Variants in LARGE1 observed in about 807,000 individuals in gnomAD.
LARGE1 encodes the protein LARGE xylosyl- and glucuronyltransferase 1, also known as xylosyl- and glucuronyltransferase LARGE1.
In LARGE1, 43 loss-of-function variants were observed where a neutral mutation model predicts 87.6. The ratio of observed to expected loss-of-function variants is 0.49; its 90% confidence interval spans 0.38 to 0.63. The LOEUF (loss-of-function observed/expected upper bound fraction) is 0.63, where lower values mean the gene tolerates loss of function less well. Among genes scored for constraint, LARGE1 ranks in the 30% least tolerant of loss-of-function variants. LARGE1 has a pLI of 0.00. For missense variants in LARGE1, 802 were observed against 1,000.2 expected (o/e 0.80, Z 2.67); for synonymous variants, 434 against 394.6 (o/e 1.10, Z -1.18).
chr22:33,772,595 G>A (rs1436120656), intron 1 of LARGE1, among the ~76,000 whole-genome samples: 2 of 152,010 alleles, frequency 1.3e-5, no homozygotes, highest in East Asian at 1.9e-4. Context: ...CTTGAATGCT[G>A]TCAACTCAGA....
chr22:33,635,954 C>T (rs1326698507), intron 3 of LARGE1, among the ~76,000 whole-genome samples: 1 of 152,174 alleles, frequency 6.6e-6, no homozygotes, highest in Non-Finnish European at 1.5e-5. Context: ...CAGCGAGGAA[C>T]AGGTGTGACC....
chr22:33,136,935 A>C, the LARGE1 span, among the ~76,000 whole-genome samples: 8 of 49,754 alleles, frequency 1.6e-4, no homozygotes, highest in African/African-American at 2.2e-4. Flanking sequence ...ATATTAAGGT[A>C]AAAAAAAAAA....
At chr22:33,137,561 T>C in the LARGE1 span, among the ~76,000 whole-genome samples, 2 of 152,234 alleles carry the variant, frequency 1.3e-5, no homozygotes, top group African/African-American at 4.8e-5. Context: ...AGCTGAATGT[T>C]AATCCTCAAG....
intron 2 of LARGE1, among the ~76,000 whole-genome samples, chr22:33,722,277 G>T (rs1278246264): frequency 6.9e-6 from 1 of 144,006 alleles, no homozygotes; most frequent in Non-Finnish European, 1.5e-5. Context: ...GAGGGAGAGG[G>T]AGAGGAGGGA....
At chr22:33,152,840 G>T in the LARGE1 span, among the ~76,000 whole-genome samples, 1 of 151,982 alleles carries the variant, frequency 6.6e-6, no homozygotes, top group Non-Finnish European at 1.5e-5. Flanking sequence ...TATAGTTTGT[G>T]CTCTATTTTG....
At chr22:33,252,048 AC>A (rs1568990236) in intron 11 of LARGE1, among the ~76,000 whole-genome samples, 1 of 152,182 alleles carries the variant, frequency 6.6e-6, no homozygotes, top group Non-Finnish European at 1.5e-5. Flanking sequence ...GTTTGTCCTG[AC>A]CTTTTGTTAG....
intron 11 of LARGE1, among the ~76,000 whole-genome samples, chr22:33,209,052 A>C (rs1183503819): frequency 6.6e-6 from 1 of 152,184 alleles, no homozygotes; most frequent in Non-Finnish European, 1.5e-5. Context: ...GTGTTTTTAT[A>C]ATAGAATGAT....
At chr22:33,546,947 A>T (rs987238159) in intron 6 of LARGE1, among the ~76,000 whole-genome samples, 5 of 152,116 alleles carry the variant, frequency 3.3e-5, no homozygotes, top group African/African-American at 1.2e-4. Context: ...GTGCTTCAAA[A>T]CCTGTGGAAT....
chr22:33,904,408 C>G (rs2065375572), intron 1 of LARGE1, among the ~76,000 whole-genome samples: 1 of 152,230 alleles, frequency 6.6e-6, no homozygotes, highest in African/African-American at 2.4e-5. Context: ...CCCGCCTCGG[C>G]CTCCCAAAGT....
chr22:33,783,224 T>C (rs1047607808), intron 1 of LARGE1, among the ~76,000 whole-genome samples: 6 of 151,876 alleles, frequency 4.0e-5, no homozygotes, highest in Non-Finnish European at 8.8e-5. Context: ...TTGAGCACTA[T>C]GTTTCTTCAG....
At position 33,761,406 on chromosome 22, in the gene LARGE1, AT is replaced by A. The variant is rs764345371; in HGVS notation, c.70del (p.Ile24SerfsTer199). The part of the protein sequence containing the change: ...ASLSLLCIPA[I>X]TWIYLFSGSF... ...CCCAGAAAACAGGTAAATCCAGGTG[AT>A]GGCTGGGATGCAGAGAAGACTCAAC... On this transcript the variant is annotated frameshift_variant, in exon 2 of 15. Coordinates refer to ENST00000397394, the MANE Select transcript of LARGE1 (RefSeq NM_133642.5). LOFTEE classifies it high-confidence loss of function. 6.2e-7 allele frequency: 1 copy of A among 1,614,002 alleles called. No homozygotes were observed. Among genetic ancestry groups the A allele is most frequent in the Non-Finnish European group, 8.5e-7 (1 of 1,179,984 alleles).
At chr22:33,509,944 G>A (rs532521731) in intron 6 of LARGE1, among the ~76,000 whole-genome samples, 43 of 152,216 alleles carry the variant, frequency 2.8e-4, no homozygotes, top group African/African-American at 7.2e-4. Context: ...AAGTCTCGCC[G>A]CTCCCCTGTG....
the LARGE1 span, among the ~76,000 whole-genome samples, chr22:33,122,292 G>A: frequency 4.0e-5 from 6 of 151,572 alleles, no homozygotes; most frequent in East Asian, 3.9e-4. Flanking sequence ...CCTTGGTTAC[G>A]AGTAGCCACT....
At chr22:33,477,839 C>G (rs554080186) in intron 6 of LARGE1, among the ~76,000 whole-genome samples, 1 of 152,308 alleles carries the variant, frequency 6.6e-6, no homozygotes, top group South Asian at 2.1e-4. Flanking sequence ...AGCCCAAGTG[C>G]TTGGATAAAG....
intron 11 of LARGE1, among the ~76,000 whole-genome samples, chr22:33,266,258 G>A (rs912576344): frequency 8.8e-6 from 1 of 113,866 alleles, no homozygotes; most frequent in African/African-American, 3.9e-5. Context: ...TTTCGCTCTT[G>A]TTGCCCAGGC....
At chr22:33,507,364 G>C (rs757264230) in intron 6 of LARGE1, among the ~76,000 whole-genome samples, 6 of 152,110 alleles carry the variant, frequency 3.9e-5, no homozygotes, top group Non-Finnish European at 7.4e-5. Flanking sequence ...GTATGCCCAG[G>C]AGAAGGAAAT....
At chr22:33,676,752 C>T (rs888726891) in intron 2 of LARGE1, among the ~76,000 whole-genome samples, 10 of 152,110 alleles carry the variant, frequency 6.6e-5, no homozygotes, top group African/African-American at 2.4e-4. Context: ...GGCCAAAATA[C>T]TCAGTGGTGC....
chr22:33,382,843 AG>A (rs1444930592), intron 8 of LARGE1, among the ~76,000 whole-genome samples: 1 of 152,150 alleles, frequency 6.6e-6, no homozygotes, highest in Non-Finnish European at 1.5e-5. Context: ...TTTTCCCCTC[AG>A]GTTTAAAACA....
chr22:33,118,554 C>T, the LARGE1 span, among the ~76,000 whole-genome samples: 27 of 149,284 alleles, frequency 1.8e-4, no homozygotes, highest in Middle Eastern at 3.5e-3. Context: ...AGAAGAGAGA[C>T]AAAAAAGGAC....
Sources: gnomAD v4.1 joint callset for allele counts (sites outside exome capture counted in the v4.1 genomes callset) on GRCh38, gnomAD v4.1.1 for gene constraint, MANE v1.5 for transcripts, NCBI Gene and HGNC (gene_info 2026-07-23, HGNC 2026-07-21) for gene names.